The following TJP1 variants were observed in gnomAD, a reference collection of about 807,000 sequenced individuals.
TJP1 encodes the protein tight junction protein ZO-1.
TJP1 carries 43 observed loss-of-function variants against 194.2 expected under a neutral mutation model. That is an observed-to-expected ratio of 0.22 (90% CI 0.17 to 0.29). The LOEUF (loss-of-function observed/expected upper bound fraction) is 0.29. Among genes scored for constraint, TJP1 ranks in the 10% least tolerant of loss-of-function variants. The pLI, the probability that TJP1 is intolerant of heterozygous loss-of-function variation, is 1.00. For synonymous variants in TJP1, 801 were observed against 779.0 expected, an observed-to-expected ratio of 1.03 and a Z score of -0.47; for missense variants, 1,971 against 2,185.7, an observed-to-expected ratio of 0.90 and a Z score of 1.96.
At chr15:29,804,469 A>G (rs1307142856) in intron 1 of TJP1, among the ~76,000 whole-genome samples, 1 of 152,154 alleles carries the variant, frequency 6.6e-6, no homozygotes, top group African/African-American at 2.4e-5. Flanking sequence ...TAAAGAAAAA[A>G]TGTTCACTAA....
At chr15:29,761,569 TAGAG>T (rs747820734) in intron 7 of TJP1, 28 bp downstream of exon 7, 17 of 1,569,500 alleles carry the variant, frequency 1.1e-5, no homozygotes, top group Admixed American at 7.5e-5. Context: ...ATAGGTCACT[TAGAG>T]GGAACGTTCA....
chr15:29,920,158 C>T (rs905047607), intron 2 of TJP1, among the ~76,000 whole-genome samples: 11 of 152,326 alleles, frequency 7.2e-5, no homozygotes, highest in African/African-American at 2.4e-4. Context: ...CTGTTAGTTA[C>T]AGTACGAACT....
chr15:29,938,721 C>T (rs1044118334), intron 2 of TJP1, among the ~76,000 whole-genome samples: 23 of 152,224 alleles, frequency 1.5e-4, no homozygotes, highest in Non-Finnish European at 2.4e-4. Context: ...ATGAAAATAA[C>T]TTTAAATTGG....
At position 29,956,471 on chromosome 15, in the gene TJP1, C is replaced by T. The variant is rs1037145759; in HGVS notation, c.174-107G>A. 1.1e-5 allele frequency: 12 copies of T among 1,051,284 alleles called. No homozygotes were observed. The African/African-American group carries it at 2.0e-4, about 18-fold the overall frequency. 65.1% of individuals were successfully genotyped at this position (1,051,284 alleles called of 1,614,324 possible). On this transcript the variant is annotated intron_variant, in intron 1 of 28. Coordinates refer to the TJP1 transcript ENST00000356107. Reference sequence around the variant, plus strand: ...AGGCAGCTTTGGAAATGTCACACTCCTTTTTCCAGCCAAAAAGCTAAGAAC... The same window carrying T: ...AGGCAGCTTTGGAAATGTCACACTCTTTTTTCCAGCCAAAAAGCTAAGAAC...
intron 1 of TJP1, among the ~76,000 whole-genome samples, chr15:29,816,786 G>A (rs1057176764): frequency 7.2e-5 from 11 of 152,056 alleles, no homozygotes; most frequent in Non-Finnish European, 5.9e-5. Context: ...ATCAAGAAAA[G>A]CCCACTGTAT....
At chr15:29,771,565 G>GTGT (rs1320745574) in intron 4 of TJP1, among the ~76,000 whole-genome samples, 4 of 152,066 alleles carry the variant, frequency 2.6e-5, no homozygotes, top group African/African-American at 7.2e-5. Context: ...CAGCACTTTG[G>GTGT]GAGGCCGAGG....
intron 2 of TJP1, among the ~76,000 whole-genome samples, chr15:29,853,687 GT>G (rs2051733519): frequency 6.6e-6 from 1 of 152,118 alleles, no homozygotes; most frequent in African/African-American, 2.4e-5. Flanking sequence ...ATGTCCTAGG[GT>G]TACTTATCAA....
intron 2 of TJP1, among the ~76,000 whole-genome samples, chr15:29,777,230 G>A (rs1012357989): frequency 2.6e-5 from 4 of 152,128 alleles, no homozygotes; most frequent in Non-Finnish European, 4.4e-5. Context: ...TTTAATCTAC[G>A]AGTGTGTGAC....
intron 24 of TJP1, among the ~76,000 whole-genome samples, chr15:29,709,376 C>G (rs139616899): frequency 1.2e-4 from 19 of 152,110 alleles, no homozygotes; most frequent in Non-Finnish European, 2.1e-4. Flanking sequence ...AAAACAAAAC[C>G]AACAAAAAGC....
chr15:29,817,769 G>A (rs984963043), intron 1 of TJP1, among the ~76,000 whole-genome samples: 1 of 152,152 alleles, frequency 6.6e-6, no homozygotes, highest in African/African-American at 2.4e-5. Flanking sequence ...TCACTCATAA[G>A]TGGGAGTTGA....
chr15:29,814,310 G>A (rs1416671911), intron 1 of TJP1, among the ~76,000 whole-genome samples: 2 of 152,168 alleles, frequency 1.3e-5, no homozygotes, highest in African/African-American at 2.4e-5. Context: ...CTTCAACAAT[G>A]AGTTACACAA....
intron 2 of TJP1, among the ~76,000 whole-genome samples, chr15:29,777,090 G>T (rs921696499): frequency 2.6e-5 from 4 of 152,128 alleles, no homozygotes; most frequent in Non-Finnish European, 4.4e-5. Context: ...GTACAAGGCA[G>T]AAGTACTTTA....
chr15:29,705,998 C>T (rs1043660385), intron 25 of TJP1, among the ~76,000 whole-genome samples: 4 of 152,218 alleles, frequency 2.6e-5, no homozygotes, highest in African/African-American at 4.8e-5. Context: ...GTGGCACAAT[C>T]TTGGTTCACT....
chr15:29,894,359 G>A (rs1156689143), intron 2 of TJP1, among the ~76,000 whole-genome samples: 5 of 152,110 alleles, frequency 3.3e-5, no homozygotes, highest in Non-Finnish European at 7.4e-5. Flanking sequence ...CCTGGGAGAC[G>A]GAGGCAGGAG....
At chr15:29,746,680 A>G (rs147125013) in intron 8 of TJP1, among the ~76,000 whole-genome samples, 7 of 152,040 alleles carry the variant, frequency 4.6e-5, no homozygotes, top group African/African-American at 1.7e-4. Context: ...TATATTTAAA[A>G]TTATTTTTAA....
intron 2 of TJP1, among the ~76,000 whole-genome samples, chr15:29,864,714 C>T (rs761584096): frequency 3.3e-5 from 5 of 152,096 alleles, no homozygotes; most frequent in Non-Finnish European, 7.4e-5. Flanking sequence ...CTGGCAGGAA[C>T]AGGCTTCCAG....
intron 1 of TJP1, among the ~76,000 whole-genome samples, chr15:29,811,858 AAATGAATG>A (rs71103411): frequency 2.6e-4 from 39 of 150,470 alleles, no homozygotes; most frequent in Middle Eastern, 3.4e-3. Context: ...TCTCTGTCCA[AAATGAATG>A]AATGAATGAA....
intron 2 of TJP1, among the ~76,000 whole-genome samples, chr15:29,869,683 A>C (rs568329860): frequency 1.3e-5 from 2 of 150,200 alleles, no homozygotes; most frequent in East Asian, 2.0e-4. Context: ...CCTTACAGAC[A>C]CCGCATCACC....
intron 26 of TJP1, 72 bp from the exon 27 acceptor site, chr15:29,704,377 C>T (rs1020967702): frequency 1.7e-5 from 26 of 1,506,418 alleles, no homozygotes; most frequent in Admixed American, 2.0e-5. Flanking sequence ...TTTTCCTCAC[C>T]CTGCTTCTAA....
Sources: gnomAD v4.1 joint callset for allele counts (sites outside exome capture counted in the v4.1 genomes callset) on GRCh38, gnomAD v4.1.1 for gene constraint, MANE v1.5 for transcripts, NCBI Gene and HGNC (gene_info 2026-07-23, HGNC 2026-07-21) for gene names.